Variants in DOCK3 observed in about 807,000 individuals in gnomAD.
The protein encoded by DOCK3 is dedicator of cytokinesis protein 3.
Under a neutral mutation model 265.6 loss-of-function variants are expected in DOCK3, and 60 were observed. The observed-to-expected ratio is 0.23, with a 90% CI of 0.18 to 0.28. DOCK3 has a LOEUF of 0.28. Among genes scored for constraint, DOCK3 ranks in the 10% least tolerant of loss-of-function variants. The pLI is 1.00. For synonymous variants in DOCK3, 881 were observed against 938.0 expected (o/e 0.94, Z 1.11); for missense variants, 1,981 against 2,594.3 (o/e 0.76, Z 5.14).
At chr3:50,901,625 T>C (rs1198415467) in intron 4 of DOCK3, 2 of 453,780 alleles carry the variant, frequency 4.4e-6, no homozygotes, top group East Asian at 1.4e-4. Context: ...AATCTCCTGG[T>C]GTGTGGATTG....
At chr3:50,791,286 C>CG (rs2042466971) in intron 2 of DOCK3, among the ~76,000 whole-genome samples, 1 of 106,844 alleles carries the variant, frequency 9.4e-6, no homozygotes, top group African/African-American at 3.6e-5. Flanking sequence ...TTTTTTGAGA[C>CG]GGAGTCTTGC....
chr3:51,249,264 C>A (rs573269765), intron 22 of DOCK3, among the ~76,000 whole-genome samples: 16 of 140,656 alleles, frequency 1.1e-4, no homozygotes, highest in African/African-American at 4.0e-4. Context: ...CTCTGCCCGG[C>A]CGCCCCTACT....
chr3:51,146,202 G>A (rs991497101), intron 9 of DOCK3, among the ~76,000 whole-genome samples: 1 of 152,190 alleles, frequency 6.6e-6, no homozygotes. Context: ...GAATGTATAT[G>A]CTTGTTATGG....
chr3:51,253,127 G>T (rs1287215166), intron 22 of DOCK3, among the ~76,000 whole-genome samples: 3 of 152,128 alleles, frequency 2.0e-5, no homozygotes, highest in African/African-American at 7.2e-5. Flanking sequence ...TAATCATGTG[G>T]TTTTTTGTCT....
intron 4 of DOCK3, among the ~76,000 whole-genome samples, chr3:50,916,082 A>G (rs2050103973): frequency 6.6e-6 from 1 of 152,064 alleles, no homozygotes; most frequent in Admixed American, 6.5e-5. Context: ...TGCGATAGCC[A>G]TGTGGGCCAT....
At chr3:51,206,917 G>A (rs1156800915) in intron 12 of DOCK3, among the ~76,000 whole-genome samples, 5 of 152,238 alleles carry the variant, frequency 3.3e-5, no homozygotes, top group African/African-American at 1.2e-4. Context: ...AATGCTGGAA[G>A]GGTATAGTGA....
intron 49 of DOCK3, among the ~76,000 whole-genome samples, chr3:51,370,423 A>C (rs985961199): frequency 1.3e-5 from 2 of 152,232 alleles, no homozygotes; most frequent in African/African-American, 4.8e-5. Flanking sequence ...GCACTCTGAC[A>C]TTGGTCAGAC....
At chr3:51,170,308 G>T (rs183773881) in intron 12 of DOCK3, among the ~76,000 whole-genome samples, 6 of 152,016 alleles carry the variant, frequency 3.9e-5, no homozygotes, top group Admixed American at 3.9e-4. Context: ...TTTTGCGGGG[G>T]AGTTTGAGAA....
chr3:50,717,303 A>G (rs1448764464), intron 1 of DOCK3, among the ~76,000 whole-genome samples: 1 of 152,194 alleles, frequency 6.6e-6, no homozygotes, highest in Admixed American at 6.5e-5. Context: ...GAGTGTACGC[A>G]CTTGTCTTTC....
rs1576391109 is a variant in DOCK3 at position 51,200,689 on chromosome 3, C to T, written c.1038-8085C>T. ...AGACAGAGAACGCCACAAAGATTCT[C>T]CTCGAGAAGAGCAACTCCAAGACAC... On this transcript the variant is annotated intron_variant, in intron 12 of 52. Transcript: ENST00000266037. 2.0e-5 allele frequency among the ~76,000 whole-genome samples: 3 copies of T among 151,916 alleles called. No homozygotes were observed. The South Asian group carries it at 6.2e-4, about 32-fold the overall frequency.
intron 5 of DOCK3, among the ~76,000 whole-genome samples, chr3:50,979,081 T>A (rs530432243): frequency 6.6e-6 from 1 of 152,182 alleles, no homozygotes; most frequent in South Asian, 2.1e-4. Flanking sequence ...GTACCTCAGA[T>A]GGAAATGCAG....
chr3:50,906,808 T>C (rs1303740985), intron 4 of DOCK3, among the ~76,000 whole-genome samples: 3 of 152,080 alleles, frequency 2.0e-5, no homozygotes, highest in East Asian at 1.9e-4. Flanking sequence ...CTTTTGAATG[T>C]GTTTGCTCTT....
chr3:51,064,122 A>G (rs2081511722), intron 5 of DOCK3, among the ~76,000 whole-genome samples: 1 of 152,228 alleles, frequency 6.6e-6, no homozygotes, highest in Non-Finnish European at 1.5e-5. Flanking sequence ...TGTGAGGGAA[A>G]GCAGCTCTGG....
At chr3:50,882,426 A>G (rs550567913) in intron 3 of DOCK3, among the ~76,000 whole-genome samples, 1 of 152,188 alleles carries the variant, frequency 6.6e-6, no homozygotes, top group South Asian at 2.1e-4. Context: ...ACAAGAAAAA[A>G]TCAAACAACC....
At chr3:50,857,132 T>C (rs1057505729) in intron 3 of DOCK3, among the ~76,000 whole-genome samples, 1 of 152,100 alleles carries the variant, frequency 6.6e-6, no homozygotes, top group African/African-American at 2.4e-5. Context: ...GCCTATAGTT[T>C]TCTATTTTTG....
At chr3:50,930,499 C>G (rs901041127) in intron 4 of DOCK3, among the ~76,000 whole-genome samples, 1 of 152,206 alleles carries the variant, frequency 6.6e-6, no homozygotes, top group South Asian at 2.1e-4. Context: ...CTCCTGGCCC[C>G]CTGGAGCATG....
intron 5 of DOCK3, among the ~76,000 whole-genome samples, chr3:51,052,071 A>G (rs1003905565): frequency 9.2e-5 from 14 of 152,318 alleles, no homozygotes; most frequent in Admixed American, 1.3e-4. Flanking sequence ...ACTATGCTCC[A>G]TTGTCTCTAT....
chr3:51,181,576 G>C (rs956129848), intron 12 of DOCK3, among the ~76,000 whole-genome samples: 1 of 151,802 alleles, frequency 6.6e-6, no homozygotes, highest in Non-Finnish European at 1.5e-5. Flanking sequence ...CTGCTGTAAG[G>C]ACCTTATTCA....
intron 5 of DOCK3, among the ~76,000 whole-genome samples, chr3:51,043,767 A>G (rs1378051531): frequency 6.6e-6 from 1 of 152,138 alleles, no homozygotes; most frequent in East Asian, 1.9e-4. Context: ...TGGGCAAAGG[A>G]TATGAACAGA....
Sources: gnomAD v4.1 joint callset for allele counts (sites outside exome capture counted in the v4.1 genomes callset) on GRCh38, gnomAD v4.1.1 for gene constraint, MANE v1.5 for transcripts, NCBI Gene and HGNC (gene_info 2026-07-23, HGNC 2026-07-21) for gene names.